ARHGEF28: variants seen among roughly 807,000 people sequenced by gnomAD.
ARHGEF28 encodes the protein Rho guanine nucleotide exchange factor 28.
Under a neutral mutation model 206.6 loss-of-function variants are expected in ARHGEF28, and 152 were observed. The ratio of observed to expected loss-of-function variants is 0.74; its 90% CI spans 0.64 to 0.84. The LOEUF (loss-of-function observed/expected upper bound fraction) is 0.84. ARHGEF28 is among the 40% of genes least tolerant of loss of function. ARHGEF28 has a pLI of 0.00. For synonymous variants in ARHGEF28, 763 were observed against 776.4 expected (o/e 0.98, Z 0.29); for missense variants, 2,028 against 2,073.2 (o/e 0.98, Z 0.42).
chr5:73,780,592 T>C lies in ARHGEF28; in HGVS notation c.841-84T>C, dbSNP rs557925305. ...CTCCTAGCTCTGAGATCATTGATAG[T>C]GACTTTTGCCTCTTTGTTGTATATC... On this transcript the variant is annotated intron_variant, in intron 6 of 35. Coordinates refer to ENST00000513042, the MANE Select transcript of ARHGEF28 (RefSeq NM_001177693.2). 3.7e-6 allele frequency: 5 copies of C among 1,358,172 alleles called. No individual in the cohort carries two copies. The African/African-American group carries it at 7.3e-5, about 20-fold the overall frequency. 84.1% of individuals were successfully genotyped at this position (1,358,172 alleles called of 1,614,324 possible). A position where few individuals can be genotyped will look rare whatever the true frequency, so the allele number is the denominator to read the frequency against.
At chr5:73,901,376 CA>C in intron 31 of ARHGEF28, 92 bp downstream of exon 31, 2 of 945,432 alleles carry the variant, frequency 2.1e-6, no homozygotes, top group Admixed American at 2.3e-5. Flanking sequence ...GTCAGTGGGG[CA>C]AAGGTGCTTT....
At chr5:73,842,134 A>G (rs914088215) in intron 11 of ARHGEF28, among the ~76,000 whole-genome samples, 3 of 152,180 alleles carry the variant, frequency 2.0e-5, no homozygotes, top group African/African-American at 7.2e-5. Context: ...GCCAATTTCC[A>G]CTAATTTCAT....
chr5:73,941,021 G>A lies in ARHGEF28; in HGVS notation c.*8G>A, dbSNP rs1031395198. 2.9e-5 allele frequency: 43 copies of A among 1,469,960 alleles called. No homozygotes were observed. The African/African-American group carries it at 5.5e-4, about 19-fold the overall frequency. 91.1% of individuals were successfully genotyped at this position (1,469,960 alleles called of 1,614,324 possible). On this transcript the variant is annotated 3_prime_UTR_variant, in exon 36 of 36. Coordinates refer to ENST00000513042, the MANE Select transcript of ARHGEF28 (RefSeq NM_001177693.2). ...AATATTGTTTACCTCTAATTGTGTTGTCATTTTTCCAAACAAAACAAAACA... is the reference window on the plus strand; with the variant it reads ...AATATTGTTTACCTCTAATTGTGTTATCATTTTTCCAAACAAAACAAAACA...
intron 29 of ARHGEF28, among the ~76,000 whole-genome samples, chr5:73,897,321 C>T (rs558008977): frequency 2.0e-5 from 3 of 152,296 alleles, no homozygotes; most frequent in African/African-American, 4.8e-5. Context: ...CTTTCCTCCT[C>T]CAATCTGTAA....
chr5:73,897,509 C>T (rs767576779), intron 29 of ARHGEF28, among the ~76,000 whole-genome samples: 7 of 152,028 alleles, frequency 4.6e-5, no homozygotes, highest in Non-Finnish European at 8.8e-5. Context: ...GCTAATATTT[C>T]TGGGCAACAG....
chr5:73,660,768 G>GAA (rs1166465497), intron 1 of ARHGEF28, among the ~76,000 whole-genome samples: 1 of 152,198 alleles, frequency 6.6e-6, no homozygotes, highest in African/African-American at 2.4e-5. Context: ...TATTTTGAAA[G>GAA]AAATCTGTTT....
chr5:73,708,068 AC>A (rs1749038272), intron 2 of ARHGEF28, among the ~76,000 whole-genome samples: 2 of 152,050 alleles, frequency 1.3e-5, no homozygotes, highest in Admixed American at 1.3e-4. Context: ...GCTAACCTCT[AC>A]CTTCTGAGAG....
intron 6 of ARHGEF28, among the ~76,000 whole-genome samples, chr5:73,777,248 T>TC (rs200072217): frequency 2.0e-4 from 30 of 149,250 alleles, no homozygotes; most frequent in East Asian, 1.2e-3. Flanking sequence ...ACTTTATCTC[T>TC]CTTTTTTTTT....
intron 2 of ARHGEF28, among the ~76,000 whole-genome samples, chr5:73,697,094 A>G (rs915457452): frequency 1.3e-5 from 2 of 152,248 alleles, no homozygotes; most frequent in African/African-American, 4.8e-5. Flanking sequence ...ACATTATGCA[A>G]TAAAAAATTA....
At chr5:73,674,204 A>G (rs1243200523) in intron 1 of ARHGEF28, among the ~76,000 whole-genome samples, 1 of 152,114 alleles carries the variant, frequency 6.6e-6, no homozygotes, top group Non-Finnish European at 1.5e-5. Flanking sequence ...AAAACATACC[A>G]TAGCTGAGAT....
intron 31 of ARHGEF28, chr5:73,903,246 G>A (rs576234939): frequency 6.6e-6 from 1 of 152,316 alleles, no homozygotes; most frequent in South Asian, 2.1e-4. Flanking sequence ...GAGACAGTAG[G>A]CCCTTGAGGA....
intron 20 of ARHGEF28, 126 bp downstream of exon 20, chr5:73,868,353 C>G (rs1156742257): frequency 8.1e-7 from 1 of 1,238,224 alleles, no homozygotes; most frequent in Non-Finnish European, 1.1e-6. Context: ...TTCAGGGTGT[C>G]TCTTTGGTAT....
At chr5:73,802,853 G>A (rs1361877918) in intron 9 of ARHGEF28, among the ~76,000 whole-genome samples, 5 of 148,816 alleles carry the variant, frequency 3.4e-5, no homozygotes, top group Admixed American at 2.7e-4. Context: ...GGGATAATTG[G>A]CCAGCAAGCT....
At chr5:73,633,028 G>A (rs1208619541) in intron 1 of ARHGEF28, among the ~76,000 whole-genome samples, 1 of 151,704 alleles carries the variant, frequency 6.6e-6, no homozygotes, top group Admixed American at 6.6e-5. Flanking sequence ...GATGGGAGAC[G>A]GTGACAGATC....
intron 2 of ARHGEF28, among the ~76,000 whole-genome samples, chr5:73,748,693 A>G (rs765402245): frequency 6.6e-6 from 1 of 152,042 alleles, no homozygotes; most frequent in Non-Finnish European, 1.5e-5. Flanking sequence ...AAAAGCCCAG[A>G]TGCTTCTCCA....
At chr5:73,846,951 G>T (rs1200059460) in intron 12 of ARHGEF28, among the ~76,000 whole-genome samples, 1 of 152,292 alleles carries the variant, frequency 6.6e-6, no homozygotes, top group African/African-American at 2.4e-5. Context: ...CACAGATTTT[G>T]TCAACTTTTC....
chr5:73,627,744 T>C (rs1450627179), intron 1 of ARHGEF28, among the ~76,000 whole-genome samples: 1 of 152,210 alleles, frequency 6.6e-6, no homozygotes, highest in Non-Finnish European at 1.5e-5. Context: ...TTTGATCAAA[T>C]AGGAATTTGG....
chr5:73,732,339 T>G (rs79989180), intron 2 of ARHGEF28, among the ~76,000 whole-genome samples: 1 of 146,002 alleles, frequency 6.8e-6, no homozygotes. Context: ...TCAGATCAGC[T>G]TTTTTTTTTT....
At chr5:73,685,618 A>AT (rs1747414960) in intron 2 of ARHGEF28, among the ~76,000 whole-genome samples, 1 of 151,846 alleles carries the variant, frequency 6.6e-6, no homozygotes. Flanking sequence ...TATTTTTTTT[A>AT]TTTTTTATTT....
Sources: gnomAD v4.1 joint callset for allele counts (sites outside exome capture counted in the v4.1 genomes callset) on GRCh38, gnomAD v4.1.1 for gene constraint, MANE v1.5 for transcripts, NCBI Gene and HGNC (gene_info 2026-07-23, HGNC 2026-07-21) for gene names.